The following PRKCH variants were observed in gnomAD, a reference collection of about 807,000 sequenced individuals.
PRKCH encodes the protein protein kinase C eta type.
PRKCH carries 28 observed loss-of-function variants against 82.5 expected under a neutral mutation model. That is an observed-to-expected ratio of 0.34 (90% CI 0.25 to 0.47). PRKCH has a LOEUF of 0.47. PRKCH is among the 20% of genes least tolerant of loss of function. The probability of loss-of-function intolerance (pLI) is 1.00; values close to 1 mark genes in which losing one functional copy is unlikely to be tolerated. For synonymous variants in PRKCH, 322 were observed against 327.4 expected (o/e 0.98, Z 0.18); for missense variants, 705 against 881.8 (o/e 0.80, Z 2.54).
At chr14:61,363,445 A>C (rs189253296) in intron 1 of PRKCH, among the ~76,000 whole-genome samples, 5 of 152,162 alleles carry the variant, frequency 3.3e-5, no homozygotes, top group Admixed American at 6.5e-5. Context: ...TGAGAAGTAC[A>C]CAAGATTTGG....
chr14:61,322,638 G>C lies in PRKCH; in HGVS notation c.363+174G>C. The C allele has an allele frequency of 3.5e-6, 3 of 866,126 alleles. No homozygotes were observed. In the South Asian group the frequency reaches 5.6e-5, roughly 16 times the overall value. 53.7% of individuals were successfully genotyped at this position (866,126 alleles called of 1,614,324 possible). A position where few individuals can be genotyped will look rare whatever the true frequency, so the allele number is the denominator to read the frequency against. ...CTGGTGACGCGACCGCGGTGGGTGT[G>C]TGCAGGCGCAGGTGTGTCTCCAGGA... is the stretch of plus-strand genomic sequence containing the variant. On this transcript the variant is annotated intron_variant, in intron 1 of 13. Coordinates refer to ENST00000332981, the MANE Select transcript of PRKCH (RefSeq NM_006255.5).
intron 1 of PRKCH, among the ~76,000 whole-genome samples, chr14:61,329,184 T>C (rs2045745922): frequency 6.8e-6 from 1 of 147,504 alleles, no homozygotes; most frequent in Admixed American, 6.7e-5. Flanking sequence ...TTTCTTTATT[T>C]AAAACTCCTC....
chr14:61,455,726 A>G (rs1884735812), intron 7 of PRKCH, among the ~76,000 whole-genome samples: 1 of 152,224 alleles, frequency 6.6e-6, no homozygotes, highest in African/African-American at 2.4e-5. Flanking sequence ...AGTATCCTTA[A>G]TCCATGACAT....
intron 1 of PRKCH, among the ~76,000 whole-genome samples, chr14:61,376,250 G>T (rs1324215645): frequency 2.6e-5 from 4 of 152,012 alleles, no homozygotes; most frequent in Non-Finnish European, 5.9e-5. Context: ...TTTCTGTTTT[G>T]CTGGTTCTGC....
chr14:61,332,691 C>T (rs1383145398), intron 1 of PRKCH, among the ~76,000 whole-genome samples: 4 of 152,216 alleles, frequency 2.6e-5, no homozygotes, highest in Non-Finnish European at 5.9e-5. Context: ...TTCTATACCT[C>T]GTCCTGTATT....
At chr14:61,437,025 T>C (rs951048536) in intron 2 of PRKCH, among the ~76,000 whole-genome samples, 6 of 152,260 alleles carry the variant, frequency 3.9e-5, no homozygotes, top group African/African-American at 1.4e-4. Flanking sequence ...ATTCGCTCAG[T>C]GCCCGTGTCA....
At chr14:61,261,832 A>G (rs1483915123) in intron 1 of PRKCH, among the ~76,000 whole-genome samples, 1 of 152,172 alleles carries the variant, frequency 6.6e-6, no homozygotes, top group African/African-American at 2.4e-5. Context: ...TCTCATAAAG[A>G]TAAACAGGCA....
At chr14:61,197,188 A>G (rs1566777035) in intron 1 of PRKCH, among the ~76,000 whole-genome samples, 2 of 152,136 alleles carry the variant, frequency 1.3e-5, no homozygotes, top group Admixed American at 6.5e-5. Flanking sequence ...ACTGATTTTC[A>G]TCTCCTTTGA....
chr14:61,415,896 T>C (rs1298442700), intron 2 of PRKCH, among the ~76,000 whole-genome samples: 2 of 152,162 alleles, frequency 1.3e-5, no homozygotes, highest in African/African-American at 4.8e-5. Context: ...CTCTATAGAT[T>C]TGACTACTCT....
At chr14:61,341,523 G>C (rs577270909) in intron 1 of PRKCH, among the ~76,000 whole-genome samples, 5 of 152,194 alleles carry the variant, frequency 3.3e-5, no homozygotes, top group African/African-American at 1.2e-4. Flanking sequence ...CACAGTAGAT[G>C]CTGGGGGTGA....
chr14:61,190,376 T>C (rs1206209343), intron 1 of PRKCH, among the ~76,000 whole-genome samples: 4 of 152,190 alleles, frequency 2.6e-5, no homozygotes, highest in Admixed American at 6.5e-5. Flanking sequence ...GACCAGTAGT[T>C]GCTTCCCACC....
intron 1 of PRKCH, among the ~76,000 whole-genome samples, chr14:61,285,102 T>C (rs1043625215): frequency 6.6e-6 from 1 of 152,192 alleles, no homozygotes; most frequent in African/African-American, 2.4e-5. Context: ...AAAAAAACTA[T>C]GTGTCTCCCT....
chr14:61,227,786 A>G (rs2044709147), intron 1 of PRKCH, among the ~76,000 whole-genome samples: 1 of 152,116 alleles, frequency 6.6e-6, no homozygotes, highest in Non-Finnish European at 1.5e-5. Flanking sequence ...TGCTTGATAA[A>G]TATGCCGTCT....
At chr14:61,194,954 G>A (rs959420695) in intron 1 of PRKCH, among the ~76,000 whole-genome samples, 8 of 152,128 alleles carry the variant, frequency 5.3e-5, no homozygotes, top group Non-Finnish European at 1.0e-4. Context: ...GGCTGGTCTC[G>A]AACTCCTGAC....
chr14:61,282,982 A>G (rs888124590), intron 1 of PRKCH, among the ~76,000 whole-genome samples: 3 of 151,770 alleles, frequency 2.0e-5, no homozygotes, highest in Non-Finnish European at 4.4e-5. Flanking sequence ...TCATTGAATC[A>G]CTAGTCCACA....
intron 1 of PRKCH, among the ~76,000 whole-genome samples, chr14:61,327,541 G>A (rs2045714296): frequency 6.6e-6 from 1 of 152,202 alleles, no homozygotes; most frequent in African/African-American, 2.4e-5. Flanking sequence ...TTGCTACAGT[G>A]GGACCGGCTG....
intron 10 of PRKCH, among the ~76,000 whole-genome samples, chr14:61,522,911 G>A (rs915426756): frequency 3.9e-5 from 6 of 152,220 alleles, no homozygotes; most frequent in Admixed American, 3.3e-4. Context: ...TCTAACTCAC[G>A]ATGAAACCAA....
chr14:61,320,610 A>G (rs931211480), upstream of PRKCH, among the ~76,000 whole-genome samples: 4 of 151,522 alleles, frequency 2.6e-5, no homozygotes, highest in African/African-American at 9.7e-5. Flanking sequence ...AAAAACAACA[A>G]CAACAACAAC....
intron 1 of PRKCH, among the ~76,000 whole-genome samples, chr14:61,378,245 C>T (rs1467678819): frequency 1.5e-5 from 2 of 134,594 alleles, no homozygotes; most frequent in Non-Finnish European, 3.3e-5. Flanking sequence ...TTTGAGACAG[C>T]ATCTCTCTCT....
Sources: gnomAD v4.1 joint callset for allele counts (sites outside exome capture counted in the v4.1 genomes callset) on GRCh38, gnomAD v4.1.1 for gene constraint, MANE v1.5 for transcripts, NCBI Gene and HGNC (gene_info 2026-07-23, HGNC 2026-07-21) for gene names.